HSD17B12: variants seen among roughly 807,000 people sequenced by gnomAD.
The protein encoded by HSD17B12 is hydroxysteroid 17-beta dehydrogenase 12.
A neutral mutation model predicts 39.3 loss-of-function variants in HSD17B12; 32 were observed. The observed-to-expected ratio is 0.81, with a 90% CI of 0.61 to 1.09. The LOEUF is 1.09. Ranked by LOEUF, HSD17B12 falls within the 50% of genes least tolerant of loss-of-function variation. HSD17B12 has a pLI of 0.00. For missense variants in HSD17B12, 342 were observed against 382.9 expected, an observed-to-expected ratio of 0.89 and a Z score of 0.89; for synonymous variants, 150 against 146.7, an observed-to-expected ratio of 1.02 and a Z score of -0.16.
chr11:43,763,643 A>T (rs1218889615), intron 3 of HSD17B12, among the ~76,000 whole-genome samples: 1 of 147,770 alleles, frequency 6.8e-6, no homozygotes, highest in Non-Finnish European at 1.5e-5. Context: ...TACATATAAG[A>T]TATATATATA....
At position 43,855,146 on chromosome 11, in the gene HSD17B12, C is replaced by T; in HGVS notation, c.837C>T (p.Gly279=). Reference sequence around the variant, plus strand: ...TCTCTCTCATTCTGTTTCCCTAGGGCTCGATAATCTCAAACCTGCCTTCTT... The same window carrying T: ...TCTCTCTCATTCTGTTTCCCTAGGGTTCGATAATCTCAAACCTGCCTTCTT... ...TNGYLIHALM[G]SIISNLPSWI... The change falls in exon 11 of 11, where the codon GGC becomes GGT. Residue 279 remains glycine, a splice_region_variant and synonymous_variant. Transcript: ENST00000278353. 1 of 1,592,110 alleles carries T rather than the reference C, an allele frequency of 6.3e-7. No homozygotes were observed. The highest frequency in any genetic ancestry group is 8.6e-7 in the Non-Finnish European group (1 of 1,163,008).
intron 3 of HSD17B12, among the ~76,000 whole-genome samples, chr11:43,766,761 A>C (rs559957648): frequency 1.3e-5 from 2 of 152,308 alleles, no homozygotes; most frequent in African/African-American, 4.8e-5. Context: ...TTACTCTTGC[A>C]CAGAAAGATA....
chr11:43,653,533 T>C, the HSD17B12 span, among the ~76,000 whole-genome samples: 8 of 152,134 alleles, frequency 5.3e-5, no homozygotes, highest in Admixed American at 2.6e-4. Context: ...GTATATCTCC[T>C]AATGCTATCC....
At chr11:43,757,361 C>T (rs941852560) in intron 3 of HSD17B12, among the ~76,000 whole-genome samples, 1 of 152,016 alleles carries the variant, frequency 6.6e-6, no homozygotes, top group Non-Finnish European at 1.5e-5. Flanking sequence ...AGGCCGGGCG[C>T]GGTGGCTCAC....
intron 3 of HSD17B12, among the ~76,000 whole-genome samples, chr11:43,779,023 A>G (rs945776202): frequency 6.6e-6 from 1 of 152,182 alleles, no homozygotes; most frequent in Non-Finnish European, 1.5e-5. Context: ...TTTGATTCAA[A>G]TTTTTTAAAG....
At chr11:43,765,125 C>T (rs1950584255) in intron 3 of HSD17B12, among the ~76,000 whole-genome samples, 1 of 151,404 alleles carries the variant, frequency 6.6e-6, no homozygotes, top group African/African-American at 2.4e-5. Flanking sequence ...TGATGCTCTT[C>T]ATTCTTTTAT....
At chr11:43,666,709 C>T in the HSD17B12 span, among the ~76,000 whole-genome samples, 3 of 152,246 alleles carry the variant, frequency 2.0e-5, no homozygotes, top group African/African-American at 7.2e-5. Context: ...TAGAAGGAGG[C>T]TAGAGACAGG....
the HSD17B12 span, among the ~76,000 whole-genome samples, chr11:43,643,782 TC>T: frequency 6.6e-6 from 1 of 152,200 alleles, no homozygotes; most frequent in Non-Finnish European, 1.5e-5. Context: ...TCTTGTTGCT[TC>T]CCAGAAGTTA....
chr11:43,733,971 C>T (rs1431304902), intron 1 of HSD17B12: 1 of 711,344 alleles, frequency 1.4e-6, no homozygotes, highest in East Asian at 2.6e-5. Context: ...CTGTTCTCGA[C>T]CACGTAATGC....
chr11:43,758,240 TGAG>T (rs1950528525), intron 3 of HSD17B12, among the ~76,000 whole-genome samples: 1 of 152,172 alleles, frequency 6.6e-6, no homozygotes, highest in Non-Finnish European at 1.5e-5. Flanking sequence ...AGTTAAGTCT[TGAG>T]GAGAAGAGGA....
At chr11:43,716,841 C>T (rs1184901382) in intron 1 of HSD17B12, among the ~76,000 whole-genome samples, 1 of 150,894 alleles carries the variant, frequency 6.6e-6, no homozygotes, top group African/African-American at 2.4e-5. Flanking sequence ...TCAGGAGTTT[C>T]CCAGGTGAAG....
At chr11:43,610,241 A>C in the HSD17B12 span, among the ~76,000 whole-genome samples, 2 of 152,314 alleles carry the variant, frequency 1.3e-5, no homozygotes, top group South Asian at 2.1e-4. Flanking sequence ...TTCTTACTAC[A>C]TCACAGGATT....
chr11:43,642,574 AATC>A, the HSD17B12 span, among the ~76,000 whole-genome samples: 1 of 151,762 alleles, frequency 6.6e-6, no homozygotes, highest in African/African-American at 2.4e-5. Flanking sequence ...CTTTCTTATG[AATC>A]ATCATGTATT....
At chr11:43,842,545 AC>A (rs1951436795) in intron 9 of HSD17B12, among the ~76,000 whole-genome samples, 1 of 152,158 alleles carries the variant, frequency 6.6e-6, no homozygotes, top group Non-Finnish European at 1.5e-5. Context: ...CCTTTCCTTG[AC>A]ACCAGTCATT....
In HSD17B12 at chr11:43,847,715, C is replaced by CAA. The variant is rs749195210; in HGVS notation, c.685-6983_685-6982dup. Among the ~76,000 whole-genome samples, 24 of 85,688 alleles carry CAA rather than the reference C, an allele frequency of 2.8e-4. 1 individual carries two copies. Among genetic ancestry groups the CAA allele is most frequent in the South Asian group, 1.5e-3 (3 of 2,040 alleles). The allele number at this position is 85,688 out of a possible 152,430, so 56.2% of individuals were successfully genotyped here. A position where few individuals can be genotyped will look rare whatever the true frequency, so the allele number is the denominator to read the frequency against. On this transcript the variant is annotated intron_variant, in intron 9 of 10. Coordinates refer to ENST00000278353, the MANE Select transcript of HSD17B12 (RefSeq NM_016142.3). ...GGTGGCAGAGCAAGACTCTGCCTCA[C>CAA]AAAAAAAAAAAAAAAAAAGAGAAAT...
At chr11:43,814,497 G>T (rs1951102747) in intron 4 of HSD17B12, among the ~76,000 whole-genome samples, 1 of 152,016 alleles carries the variant, frequency 6.6e-6, no homozygotes, top group African/African-American at 2.4e-5. Flanking sequence ...TTTGTTCTGG[G>T]ATTGTCTTTG....
the HSD17B12 span, among the ~76,000 whole-genome samples, chr11:43,578,210 A>G: frequency 9.2e-5 from 14 of 152,236 alleles, no homozygotes; most frequent in African/African-American, 3.1e-4. Context: ...TTTATTAAAA[A>G]ATATAAACTC....
At chr11:43,589,101 G>A in the HSD17B12 span, among the ~76,000 whole-genome samples, 1 of 151,754 alleles carries the variant, frequency 6.6e-6, no homozygotes, top group South Asian at 2.1e-4. Context: ...TTCCACCAAG[G>A]AAAAAAATAA....
At chr11:43,674,018 T>G in the HSD17B12 span, among the ~76,000 whole-genome samples, 1 of 152,236 alleles carries the variant, frequency 6.6e-6, no homozygotes, top group African/African-American at 2.4e-5. Context: ...TAAGTAGTAT[T>G]GTTCTCATTT....
Sources: allele counts gnomAD v4.1 joint callset (sites outside exome capture counted in the v4.1 genomes callset), GRCh38; gene constraint gnomAD v4.1.1; transcripts MANE v1.5; gene names NCBI Gene and HGNC (gene_info 2026-07-23, HGNC 2026-07-21).